Variants in STK33 observed in about 807,000 individuals in gnomAD.
STK33 encodes the protein serine/threonine-protein kinase 33.
Under a neutral mutation model 58.0 loss-of-function variants are expected in STK33, and 52 were observed. That is an observed-to-expected ratio of 0.90 (90% confidence interval 0.72 to 1.13). The LOEUF (loss-of-function observed/expected upper bound fraction) is 1.13. STK33 is among the 50% of genes most tolerant of loss of function. The pLI is 0.00. For synonymous variants in STK33, 215 were observed against 200.1 expected (o/e 1.07, Z -0.63); for missense variants, 630 against 604.2 (o/e 1.04, Z -0.45).
chr11:8,367,005 G>C, the STK33 span, among the ~76,000 whole-genome samples: 1 of 152,208 alleles, frequency 6.6e-6, no homozygotes, highest in Non-Finnish European at 1.5e-5. Context: ...TGTTATTCTT[G>C]TGTAAAAAGA....
Position 8,520,111 on chromosome 11 carries a change from C to A in STK33, c.-465-39497G>T, listed in dbSNP as rs558171389. On this transcript the variant is annotated intron_variant, in intron 1 of 15. Coordinates refer to ENST00000687296, the MANE Select transcript of STK33 (RefSeq NM_001352389.2). ...AATCCTCAATAAAATACTGGCAAAA[C>A]GAATCCAGCAGCACATCAAAAAGCT... Among the ~76,000 whole-genome samples the A allele has an allele frequency of 3.8e-4, 58 of 152,116 alleles. 1 individual carries two copies. The highest frequency in any genetic ancestry group is 2.1e-3 in the South Asian group (10 of 4,812).
At chr11:8,521,024 ATATT>A (rs981939323) in intron 1 of STK33, among the ~76,000 whole-genome samples, 6 of 149,606 alleles carry the variant, frequency 4.0e-5, no homozygotes, top group East Asian at 1.9e-4. Context: ...ATAATTTATT[ATATT>A]TATTTATAAA....
chr11:8,403,333 G>A (rs115476496), intron 15 of STK33, among the ~76,000 whole-genome samples: 1,810 of 152,280 alleles, frequency 0.012, 35 homozygotes, highest in African/African-American at 0.041. Flanking sequence ...CAACCAGCTT[G>A]AACAGATATA....
intron 12 of STK33, among the ~76,000 whole-genome samples, chr11:8,438,679 T>C (rs2136331462): frequency 6.6e-6 from 1 of 152,296 alleles, no homozygotes; most frequent in African/African-American, 2.4e-5. Context: ...ATACATTCAC[T>C]TTCCTTAACA....
intron 11 of STK33, among the ~76,000 whole-genome samples, chr11:8,444,935 T>C (rs925277009): frequency 6.6e-6 from 1 of 152,150 alleles, no homozygotes; most frequent in African/African-American, 2.4e-5. Context: ...AGAAAGCCAA[T>C]GGTAGCTTGA....
chr11:8,340,839 C>A, the STK33 span, among the ~76,000 whole-genome samples: 1 of 152,088 alleles, frequency 6.6e-6, no homozygotes, highest in Non-Finnish European at 1.5e-5. Context: ...CTTTGAGGGG[C>A]CTAGCTTTTG....
intron 14 of STK33, among the ~76,000 whole-genome samples, chr11:8,434,692 C>T (rs189227133): frequency 1.3e-5 from 2 of 152,250 alleles, no homozygotes; most frequent in Non-Finnish European, 1.5e-5. Context: ...AATATGGCTA[C>T]TCAAACTCAC....
chr11:8,443,984 G>A (rs577506303), intron 11 of STK33, among the ~76,000 whole-genome samples: 1 of 152,234 alleles, frequency 6.6e-6, no homozygotes, highest in Admixed American at 6.5e-5. Flanking sequence ...TCCAGCCTAA[G>A]CAACAGAGGG....
intron 1 of STK33, among the ~76,000 whole-genome samples, chr11:8,544,706 C>T (rs11825735): frequency 5.9e-5 from 9 of 151,794 alleles, no homozygotes; most frequent in African/African-American, 1.2e-4. Context: ...AAGAACCTAC[C>T]ATTTATGCAT....
At chr11:8,454,104 G>A (rs993778335) in intron 10 of STK33, among the ~76,000 whole-genome samples, 10 of 152,174 alleles carry the variant, frequency 6.6e-5, no homozygotes, top group African/African-American at 2.4e-4. Context: ...AACCAACAAT[G>A]CTGTTAAACC....
the STK33 span, among the ~76,000 whole-genome samples, chr11:8,380,321 A>G: frequency 6.6e-6 from 1 of 152,172 alleles, no homozygotes; most frequent in African/African-American, 2.4e-5. Flanking sequence ...GCACTTTGAG[A>G]GGCCGAGATG....
Position 8,581,698 on chromosome 11 carries a change from A to T in STK33, c.-466+12385T>A, listed in dbSNP as rs896087787. Among the ~76,000 whole-genome samples, 4 of 152,218 alleles carry T rather than the reference A, an allele frequency of 2.6e-5. No individual in the cohort carries two copies. In the East Asian group the frequency reaches 5.8e-4, roughly 22 times the overall value. On this transcript the variant is annotated intron_variant, in intron 1 of 15. Transcript: ENST00000687296. ...GTAACTTCCCCTATGTGATTAATTT[A>T]TTGGCAGGATAACTTGCATCAGTTT...
chr11:8,358,966 G>A, the STK33 span, among the ~76,000 whole-genome samples: 2 of 152,154 alleles, frequency 1.3e-5, no homozygotes, highest in Non-Finnish European at 2.9e-5. Flanking sequence ...TGTGCCTCCC[G>A]ACAAGAAGCG....
rs539103304 is a variant in STK33 at position 8,540,286 on chromosome 11, G to C, written c.-466+53797C>G. Among the ~76,000 whole-genome samples the C allele has an allele frequency of 2.2e-4, 34 of 151,174 alleles. No individual in the cohort carries two copies. The South Asian group carries it at 6.7e-3, about 30-fold the overall frequency. ...GTTTGAGGCTAGAAGTTTGAGACCA[G>C]GCAAACAACATAGTGATAACCCATC... On this transcript the variant is annotated intron_variant, in intron 1 of 15. Transcript: ENST00000687296.
the STK33 span, among the ~76,000 whole-genome samples, chr11:8,375,666 G>C: frequency 6.6e-6 from 1 of 152,104 alleles, no homozygotes; most frequent in Non-Finnish European, 1.5e-5. Flanking sequence ...CCATGGGGGT[G>C]GTTTCCCCCA....
At chr11:8,491,719 G>A (rs913714705) in intron 1 of STK33, among the ~76,000 whole-genome samples, 2 of 152,132 alleles carry the variant, frequency 1.3e-5, no homozygotes, top group African/African-American at 4.8e-5. Flanking sequence ...CTCACAAAGG[G>A]AAGCCCATCA....
downstream of STK33, among the ~76,000 whole-genome samples, chr11:8,387,100 T>C (rs1056969663): frequency 6.6e-5 from 10 of 152,224 alleles, no homozygotes; most frequent in African/African-American, 2.4e-4. Context: ...TCCTTCAGAA[T>C]GCAGCTTTCC....
chr11:8,362,870 T>TCCTC, the STK33 span, among the ~76,000 whole-genome samples: 2 of 150,552 alleles, frequency 1.3e-5, no homozygotes, highest in Admixed American at 6.6e-5. Flanking sequence ...CTCCCTCTCT[T>TCCTC]CCTCCCTCCC....
At chr11:8,398,510 C>T (rs1362557397) in intron 15 of STK33, among the ~76,000 whole-genome samples, 1 of 152,104 alleles carries the variant, frequency 6.6e-6, no homozygotes. Flanking sequence ...CAAAAACATG[C>T]CAAATTGTAA....
Sources: allele counts gnomAD v4.1 joint callset (sites outside exome capture counted in the v4.1 genomes callset), GRCh38; gene constraint gnomAD v4.1.1; transcripts MANE v1.5; gene names NCBI Gene and HGNC (gene_info 2026-07-23, HGNC 2026-07-21).